NR1H4: variants seen among roughly 807,000 people sequenced by gnomAD.
NR1H4 encodes nuclear receptor subfamily 1 group H member 4.
Under a neutral mutation model 58.5 loss-of-function variants are expected in NR1H4, and 23 were observed. That is an observed-to-expected ratio of 0.39 (90% CI 0.28 to 0.56). The LOEUF is 0.56. NR1H4 is among the 20% of genes least tolerant of loss of function. The pLI is 0.58. For missense variants in NR1H4, 487 were observed against 576.9 expected (o/e 0.84, Z 1.60); for synonymous variants, 214 against 198.0 (o/e 1.08, Z -0.68).
At chr12:100,505,100 G>C (rs1426764331) in intron 3 of NR1H4, among the ~76,000 whole-genome samples, 13 of 147,372 alleles carry the variant, frequency 8.8e-5, no homozygotes, top group African/African-American at 2.8e-4. Flanking sequence ...ATAAAGGAAG[G>C]CAAAAAAAAA....
intron 9 of NR1H4, among the ~76,000 whole-genome samples, chr12:100,544,096 C>T (rs1955001691): frequency 6.6e-6 from 1 of 151,850 alleles, no homozygotes; most frequent in Non-Finnish European, 1.5e-5. Flanking sequence ...ACTAAAAATA[C>T]AAACAATTAG....
chr12:100,485,545 AT>A (rs902307264), intron 1 of NR1H4, among the ~76,000 whole-genome samples: 5 of 151,176 alleles, frequency 3.3e-5, no homozygotes, highest in Admixed American at 6.6e-5. Flanking sequence ...TTATTTTTTA[AT>A]TTTTTTTGAG....
intron 9 of NR1H4, among the ~76,000 whole-genome samples, chr12:100,544,498 A>G (rs1299818436): frequency 6.6e-6 from 1 of 152,096 alleles, no homozygotes. Flanking sequence ...AAGCTGTTGA[A>G]ATAGACTTCA....
intron 9 of NR1H4, among the ~76,000 whole-genome samples, chr12:100,561,084 G>A (rs1291843804): frequency 1.3e-5 from 2 of 152,236 alleles, no homozygotes; most frequent in African/African-American, 4.8e-5. Context: ...TTCAGGAAGA[G>A]ATCAGAACCC....
At chr12:100,528,409 T>A (rs1253847458) in intron 4 of NR1H4, among the ~76,000 whole-genome samples, 2 of 151,984 alleles carry the variant, frequency 1.3e-5, no homozygotes, top group Admixed American at 1.3e-4. Context: ...GTGTGCAATA[T>A]TCTGCAGAAT....
At chr12:100,531,125 A>G (rs1954681746) in intron 4 of NR1H4, among the ~76,000 whole-genome samples, 1 of 152,210 alleles carries the variant, frequency 6.6e-6, no homozygotes, top group Non-Finnish European at 1.5e-5. Context: ...GACACATACC[A>G]TGGGCTAGAA....
At chr12:100,497,295 G>A (rs1953737168) in intron 3 of NR1H4, among the ~76,000 whole-genome samples, 1 of 152,156 alleles carries the variant, frequency 6.6e-6, no homozygotes, top group Non-Finnish European at 1.5e-5. Flanking sequence ...TGGGATTAGA[G>A]AAGTTCTGGG....
chr12:100,479,877 A>G (rs1953343380), intron 1 of NR1H4, among the ~76,000 whole-genome samples: 1 of 152,124 alleles, frequency 6.6e-6, no homozygotes, highest in Non-Finnish European at 1.5e-5. Flanking sequence ...TTCCCTTTGT[A>G]TGACTTACTC....
At chr12:100,516,870 CAT>C (rs1442417218) in intron 4 of NR1H4, among the ~76,000 whole-genome samples, 1 of 152,146 alleles carries the variant, frequency 6.6e-6, no homozygotes, top group Non-Finnish European at 1.5e-5. Context: ...TATTAATTCT[CAT>C]ATCTTATGTC....
intron 9 of NR1H4, among the ~76,000 whole-genome samples, chr12:100,552,879 C>T (rs922185906): frequency 6.6e-6 from 1 of 151,984 alleles, no homozygotes; most frequent in African/African-American, 2.4e-5. Context: ...TATGATTGTG[C>T]CACTGCACTC....
intron 10 of NR1H4, 32 bp downstream of exon 10, chr12:100,562,030 C>T (rs1955486981): frequency 9.4e-7 from 1 of 1,069,006 alleles, no homozygotes. Flanking sequence ...AATTTTTATG[C>T]CATTTTTTTC....
intron 9 of NR1H4, among the ~76,000 whole-genome samples, chr12:100,552,286 T>C (rs955898221): frequency 3.9e-4 from 59 of 152,336 alleles, no homozygotes; most frequent in African/African-American, 1.3e-3. Flanking sequence ...ATGGGAAGCA[T>C]ATCATGTATT....
intron 1 of NR1H4, among the ~76,000 whole-genome samples, chr12:100,476,844 G>A (rs532765665): frequency 2.0e-5 from 3 of 152,062 alleles, no homozygotes; most frequent in Non-Finnish European, 2.9e-5. Context: ...CTATGATAAT[G>A]CCACTATACT....
chr12:100,517,331 G>C (rs1954294010), intron 4 of NR1H4, among the ~76,000 whole-genome samples: 1 of 152,078 alleles, frequency 6.6e-6, no homozygotes, highest in Non-Finnish European at 1.5e-5. Flanking sequence ...TATCCTCCGG[G>C]CTCATCCATG....
chr12:100,563,746 T>C lies in NR1H4; in HGVS notation c.*257T>C. The C allele has an allele frequency of 2.1e-6, 1 of 472,544 alleles. No homozygotes were observed. The highest frequency in any genetic ancestry group is 1.9e-5 in the African/African-American group (1 of 51,834). 29.3% of individuals were successfully genotyped at this position (472,544 alleles called of 1,614,324 possible). On this transcript the variant is annotated 3_prime_UTR_variant, in exon 11 of 11. Transcript: ENST00000392986. ...CTGTTTGCCTAATTAAATTGATTGT[T>C]ACTTCAATTCTATCTGTTGAACTAG...
At chr12:100,486,939 G>A (rs1166366823) in intron 1 of NR1H4, among the ~76,000 whole-genome samples, 1 of 152,056 alleles carries the variant, frequency 6.6e-6, no homozygotes, top group Admixed American at 6.6e-5. Flanking sequence ...AAGGCATGTA[G>A]TAAATATAAT....
intron 1 of NR1H4, among the ~76,000 whole-genome samples, chr12:100,482,299 C>CA (rs66483177): frequency 2.0e-3 from 300 of 148,224 alleles, no homozygotes; most frequent in African/African-American, 5.7e-3. Context: ...CTTTATGTGA[C>CA]AAAAAAAAAA....
chr12:100,563,518 CT>C lies in NR1H4; in HGVS notation c.*34del. On this transcript the variant is annotated 3_prime_UTR_variant, in exon 11 of 11. Coordinates refer to ENST00000392986, the MANE Select transcript of NR1H4 (RefSeq NM_001206979.2). Reference sequence around the variant, plus strand: ...GGATTACAGGGGAGGGGTCTAGCTCCTTTTTCTCTCTCATATTAATCTGATG... The same window carrying C: ...GGATTACAGGGGAGGGGTCTAGCTCCTTTTCTCTCTCATATTAATCTGATG... The C allele has an allele frequency of 1.3e-6, 2 of 1,504,004 alleles. No homozygotes were observed. The highest frequency in any genetic ancestry group is 1.9e-6 in the Non-Finnish European group (2 of 1,079,496). 93.2% of individuals were successfully genotyped at this position (1,504,004 alleles called of 1,614,324 possible). A position where few individuals can be genotyped will look rare whatever the true frequency, so the allele number is the denominator to read the frequency against.
rs529284945 is a variant in NR1H4 at position 100,500,589 on chromosome 12, A to T, written c.79+7187A>T. ...TGGTTGGGCTCTGTGTCCCCACCCAAATCTCATCTCAAATTATAATCCCCA... is the reference window on the plus strand; with the variant it reads ...TGGTTGGGCTCTGTGTCCCCACCCATATCTCATCTCAAATTATAATCCCCA... On this transcript the variant is annotated intron_variant, in intron 3 of 10. Transcript: ENST00000392986. Among the ~76,000 whole-genome samples, 9 of 152,288 alleles carry T rather than the reference A, an allele frequency of 5.9e-5. No homozygotes were observed. The South Asian group carries it at 1.7e-3, about 28-fold the overall frequency.
Sources: allele counts gnomAD v4.1 joint callset (sites outside exome capture counted in the v4.1 genomes callset), GRCh38; gene constraint gnomAD v4.1.1; transcripts MANE v1.5; gene names NCBI Gene and HGNC (gene_info 2026-07-23, HGNC 2026-07-21).